ROR1: variants seen among roughly 807,000 people sequenced by gnomAD.
The protein encoded by ROR1 is inactive tyrosine-protein kinase transmembrane receptor ROR1.
Under a neutral mutation model 78.8 loss-of-function variants are expected in ROR1, and 19 were observed. That is an observed-to-expected ratio of 0.24 (90% CI 0.17 to 0.35). The LOEUF (loss-of-function observed/expected upper bound fraction) is 0.35, where lower values mean the gene tolerates loss of function less well. Among genes scored for constraint, ROR1 ranks in the 10% least tolerant of loss-of-function variants. The probability of loss-of-function intolerance (pLI) is 1.00; values close to 1 mark genes in which losing one functional copy is unlikely to be tolerated. For synonymous variants in ROR1, 386 were observed against 433.6 expected, an observed-to-expected ratio of 0.89 and a Z score of 1.36; for missense variants, 917 against 1,177.8, an observed-to-expected ratio of 0.78 and a Z score of 3.24.
chr1:64,019,567 T>C (rs1646547756), intron 2 of ROR1, among the ~76,000 whole-genome samples: 1 of 152,232 alleles, frequency 6.6e-6, no homozygotes. Flanking sequence ...CATAACTCCA[T>C]CACTTGTTCC....
At chr1:63,995,932 T>C (rs1644773670) in intron 1 of ROR1, among the ~76,000 whole-genome samples, 1 of 152,086 alleles carries the variant, frequency 6.6e-6, no homozygotes, top group African/African-American at 2.4e-5. Context: ...ACCTCTTCAT[T>C]GGAGGAGATA....
At chr1:64,009,248 A>C (rs1646455798) in intron 1 of ROR1, 57 bp from the exon 2 acceptor site, 3 of 1,303,246 alleles carry the variant, frequency 2.3e-6, no homozygotes, top group Non-Finnish European at 3.3e-6. Context: ...ACAGCCTATA[A>C]ATTACTATAT....
intron 1 of ROR1, among the ~76,000 whole-genome samples, chr1:63,815,472 TCTTTTCTTTTTC>T (rs1256178246): frequency 1.5e-5 from 2 of 131,150 alleles, no homozygotes; most frequent in African/African-American, 8.8e-5. Flanking sequence ...TCTTTTCTTT[TCTTTTCTTTTTC>T]TTTTTTTTTT....
At chr1:63,968,649 G>A (rs776373226) in intron 1 of ROR1, among the ~76,000 whole-genome samples, 14 of 152,140 alleles carry the variant, frequency 9.2e-5, no homozygotes, top group Non-Finnish European at 1.5e-4. Flanking sequence ...TTCTGCCCCC[G>A]AGTTTATTGT....
intron 1 of ROR1, among the ~76,000 whole-genome samples, chr1:63,850,175 T>A (rs973719162): frequency 6.6e-6 from 1 of 152,244 alleles, no homozygotes; most frequent in Admixed American, 6.5e-5. Context: ...CAATGTTGTG[T>A]TTTTGGTATT....
intron 1 of ROR1, among the ~76,000 whole-genome samples, chr1:63,912,238 C>A (rs1645576673): frequency 6.7e-6 from 1 of 150,130 alleles, no homozygotes; most frequent in South Asian, 2.1e-4. Context: ...TTCAAGGCTG[C>A]AGCAAGCCAT....
At chr1:63,777,549 G>C (rs1358865502) in intron 1 of ROR1, among the ~76,000 whole-genome samples, 3 of 152,202 alleles carry the variant, frequency 2.0e-5, no homozygotes, top group Non-Finnish European at 4.4e-5. Flanking sequence ...ATGGTAGGCT[G>C]TTTTGCTTCT....
chr1:63,993,258 G>A (rs879183079), intron 1 of ROR1, among the ~76,000 whole-genome samples: 3 of 152,190 alleles, frequency 2.0e-5, no homozygotes, highest in Admixed American at 1.3e-4. Flanking sequence ...ATGGAGTCCC[G>A]TAAAACTCCG....
At chr1:63,776,021 A>G (rs1161974583) in intron 1 of ROR1, among the ~76,000 whole-genome samples, 3 of 152,266 alleles carry the variant, frequency 2.0e-5, no homozygotes, top group Admixed American at 6.5e-5. Flanking sequence ...AAAATGGGCC[A>G]TGCTGCCTAA....
intron 8 of ROR1, among the ~76,000 whole-genome samples, chr1:64,167,349 A>G (rs1481115293): frequency 6.6e-6 from 1 of 152,246 alleles, no homozygotes. Flanking sequence ...ACTATCAGAA[A>G]GTTACGTTAT....
chr1:63,846,994 C>T (rs2100324259), intron 1 of ROR1, among the ~76,000 whole-genome samples: 1 of 152,318 alleles, frequency 6.6e-6, no homozygotes, highest in East Asian at 1.9e-4. Context: ...AGGCTGGCTT[C>T]CGTGGGCCTC....
intron 1 of ROR1, among the ~76,000 whole-genome samples, chr1:64,007,041 G>A (rs994248940): frequency 1.3e-5 from 2 of 151,222 alleles, no homozygotes; most frequent in African/African-American, 4.9e-5. Context: ...AAAAAAAAAA[G>A]CCAGGTTTTA....
intron 1 of ROR1, among the ~76,000 whole-genome samples, chr1:63,880,765 T>A (rs774697121): frequency 6.6e-6 from 1 of 152,160 alleles, no homozygotes; most frequent in East Asian, 1.9e-4. Context: ...TGCATATCCA[T>A]CCATCTATCC....
intron 1 of ROR1, among the ~76,000 whole-genome samples, chr1:63,842,788 C>T (rs528689546): frequency 6.6e-6 from 1 of 151,886 alleles, no homozygotes; most frequent in East Asian, 1.9e-4. Flanking sequence ...GTCATCTCCA[C>T]AACATTCCAT....
In ROR1 at chr1:63,962,140, G is replaced by A. The variant is rs189315356; in HGVS notation, c.92-47165G>A. Among the ~76,000 whole-genome samples the A allele has an allele frequency of 3.3e-4, 50 of 152,226 alleles. 1 individual carries two copies. The East Asian group carries it at 8.1e-3, about 25-fold the overall frequency. ...CTGGGCATGTTAGGGTGCATCTATAGTCCCAGCTACTTGGGAGGCTGAGGT... is the reference window on the plus strand; with the variant it reads ...CTGGGCATGTTAGGGTGCATCTATAATCCCAGCTACTTGGGAGGCTGAGGT... On this transcript the variant is annotated intron_variant, in intron 1 of 8. Transcript: ENST00000371079.
At chr1:63,979,667 G>C (rs1269449647) in intron 1 of ROR1, among the ~76,000 whole-genome samples, 1 of 152,152 alleles carries the variant, frequency 6.6e-6, no homozygotes. Context: ...GGGGCTCTGG[G>C]TGATGTGTCT....
At chr1:64,050,619 T>G (rs1035600774) in intron 3 of ROR1, 67 bp from the exon 4 acceptor site, 2 of 1,380,278 alleles carry the variant, frequency 1.4e-6, no homozygotes, top group African/African-American at 1.4e-5. Flanking sequence ...ATGATTTGAC[T>G]GTATCCATAC....
chr1:63,798,843 A>G (rs1175648059), intron 1 of ROR1, among the ~76,000 whole-genome samples: 4 of 152,124 alleles, frequency 2.6e-5, no homozygotes, highest in African/African-American at 4.8e-5. Context: ...AAGCAAAAGT[A>G]TCTCTGGTTC....
At chr1:64,125,879 A>G (rs1569814931) in intron 4 of ROR1, among the ~76,000 whole-genome samples, 1 of 152,202 alleles carries the variant, frequency 6.6e-6, no homozygotes, top group East Asian at 1.9e-4. Flanking sequence ...AAACCAAGTT[A>G]TATGTACTAG....
Sources: allele counts gnomAD v4.1 joint callset (sites outside exome capture counted in the v4.1 genomes callset), GRCh38; gene constraint gnomAD v4.1.1; transcripts MANE v1.5; gene names NCBI Gene and HGNC (gene_info 2026-07-23, HGNC 2026-07-21).